Variants in CORO2B observed in about 807,000 individuals in gnomAD.
CORO2B encodes the protein coronin-2B.
CORO2B carries 26 observed loss-of-function variants against 58.8 expected under a neutral mutation model. The observed-to-expected ratio is 0.44, with a 90% CI of 0.32 to 0.61. The LOEUF (loss-of-function observed/expected upper bound fraction) is 0.61, where lower values mean the gene tolerates loss of function less well. Ranked by LOEUF, CORO2B falls within the 20% of genes least tolerant of loss-of-function variation. The pLI is 0.04. For synonymous variants in CORO2B, 242 were observed against 253.8 expected (o/e 0.95, Z 0.44); for missense variants, 460 against 645.1 (o/e 0.71, Z 3.11).
At chr15:68,673,544 G>C (rs1902472935) in intron 2 of CORO2B, among the ~76,000 whole-genome samples, 1 of 151,962 alleles carries the variant, frequency 6.6e-6, no homozygotes, top group Non-Finnish European at 1.5e-5. Context: ...TCTTAAAAAA[G>C]GAAAGTGTCT....
Position 68,630,901 on chromosome 15 carries a change from A to G in CORO2B, c.16-14259A>G, listed in dbSNP as rs150095990. On this transcript the variant is annotated intron_variant, in intron 1 of 11. Coordinates refer to ENST00000261861, the MANE Select transcript of CORO2B (RefSeq NM_006091.5). Reference sequence around the variant, plus strand: ...AAAGGCGGGAAGCCGTGTGTGTGCCAGTATGCCAAGAAAGAACTTTTCTTA... The same window carrying G: ...AAAGGCGGGAAGCCGTGTGTGTGCCGGTATGCCAAGAAAGAACTTTTCTTA... Among the ~76,000 whole-genome samples, 538 of 152,334 alleles carry G rather than the reference A, an allele frequency of 3.5e-3. 5 individuals carry two copies. Among genetic ancestry groups the G allele is most frequent in the African/African-American group, 0.013 (520 of 41,574 alleles).
chr15:68,700,784 T>G (rs1892622809), intron 3 of CORO2B, among the ~76,000 whole-genome samples: 1 of 142,116 alleles, frequency 7.0e-6, no homozygotes, highest in African/African-American at 2.6e-5. Flanking sequence ...CCAGCCCTTC[T>G]CCTGGGGCCA....
At chr15:68,667,814 G>C (rs552542482) in intron 2 of CORO2B, among the ~76,000 whole-genome samples, 1 of 152,316 alleles carries the variant, frequency 6.6e-6, no homozygotes, top group East Asian at 1.9e-4. Flanking sequence ...AGAGACTTCA[G>C]ACCAGTTACT....
At chr15:68,592,118 C>T (rs996226902) in intron 1 of CORO2B, among the ~76,000 whole-genome samples, 2 of 152,274 alleles carry the variant, frequency 1.3e-5, no homozygotes, top group African/African-American at 4.8e-5. Flanking sequence ...TCTCCTTCTG[C>T]GCCGTGTCCT....
upstream of CORO2B, among the ~76,000 whole-genome samples, chr15:68,574,823 G>C (rs147780148): frequency 6.6e-6 from 1 of 152,230 alleles, no homozygotes; most frequent in Non-Finnish European, 1.5e-5. Context: ...ATGCAGAGCT[G>C]ACACTTGAGC....
intron 3 of CORO2B, among the ~76,000 whole-genome samples, chr15:68,706,660 C>T (rs1464020669): frequency 6.6e-6 from 1 of 152,190 alleles, no homozygotes; most frequent in African/African-American, 2.4e-5. Context: ...GCTTCCTACT[C>T]AAGTGCAGAC....
In CORO2B at chr15:68,579,202, GGCCGCCGCCGCCGCCCCCGCAC is replaced by G; in HGVS notation, c.-55_-34del. On this transcript the variant is annotated 5_prime_UTR_variant, in exon 1 of 12. Transcript: ENST00000261861. Reference sequence around the variant, plus strand: ...CGGACCCCCTTCCGCCGCCGCCCCGGGCCGCCGCCGCCGCCCCCGCACGCCGCGCCCGCGCCCCCGCTCCGCC... The same window carrying G: ...CGGACCCCCTTCCGCCGCCGCCCCGGGCCGCGCCCGCGCCCCCGCTCCGCC... The G allele has an allele frequency of 1.0e-6, 1 of 993,912 alleles. No individual in the cohort carries two copies. Among genetic ancestry groups the G allele is most frequent in the Non-Finnish European group, 1.2e-6 (1 of 836,218 alleles). The allele number at this position is 993,912 out of a possible 1,614,324, so 61.6% of individuals were successfully genotyped here. A position where few individuals can be genotyped will look rare whatever the true frequency, so the allele number is the denominator to read the frequency against.
At chr15:68,658,370 C>CTGTGCCT (rs1404199889) in intron 2 of CORO2B, among the ~76,000 whole-genome samples, 1 of 152,266 alleles carries the variant, frequency 6.6e-6, no homozygotes, top group Non-Finnish European at 1.5e-5. Context: ...GGGGCCTCGT[C>CTGTGCCT]CCCGCCTGCC....
intron 2 of CORO2B, among the ~76,000 whole-genome samples, chr15:68,648,029 CAAAAAA>C (rs59821203): frequency 1.2e-5 from 1 of 84,298 alleles, no homozygotes; most frequent in Admixed American, 1.4e-4. Flanking sequence ...TCCTGTCTCT[CAAAAAA>C]AAAAAAAAAA....
chr15:68,661,230 G>A (rs969788645), intron 2 of CORO2B, among the ~76,000 whole-genome samples: 1 of 152,032 alleles, frequency 6.6e-6, no homozygotes, highest in Admixed American at 6.6e-5. Context: ...CACCCACCTC[G>A]GCCTCCCAAA....
At chr15:68,546,005 T>A in the CORO2B span, among the ~76,000 whole-genome samples, 1 of 152,086 alleles carries the variant, frequency 6.6e-6, no homozygotes, top group Non-Finnish European at 1.5e-5. Context: ...CTCTCTGCCC[T>A]CCCCCTTTTG....
At chr15:68,555,150 C>G in the CORO2B span, among the ~76,000 whole-genome samples, 2 of 152,206 alleles carry the variant, frequency 1.3e-5, no homozygotes, top group Non-Finnish European at 2.9e-5. Context: ...TTGGTTTCCT[C>G]CCCTGCACTG....
upstream of CORO2B, among the ~76,000 whole-genome samples, chr15:68,574,450 A>G (rs372587200): frequency 1.3e-5 from 2 of 152,294 alleles, no homozygotes. Context: ...AGGTAATCCT[A>G]AAAGACTGCA....
intron 2 of CORO2B, among the ~76,000 whole-genome samples, chr15:68,674,972 C>A (rs1276550666): frequency 6.6e-6 from 1 of 152,148 alleles, no homozygotes; most frequent in African/African-American, 2.4e-5. Flanking sequence ...AATAGTAGAA[C>A]TTCAGGTATC....
At chr15:68,583,976 T>C (rs1899493856) in intron 1 of CORO2B, among the ~76,000 whole-genome samples, 1 of 152,232 alleles carries the variant, frequency 6.6e-6, no homozygotes, top group African/African-American at 2.4e-5. Context: ...ATTCTCATGC[T>C]GGGAGGTGTG....
At chr15:68,559,694 GCT>G in the CORO2B span, 165,065 of 935,440 alleles carry the variant, frequency 0.18, 15,047 homozygotes, top group Middle Eastern at 0.22. This position sits in a 1 kb window ranked among gnomAD's most constrained non-coding sequence, Gnocchi z 4.3. Context: ...TTGGTGCAGT[GCT>G]CTCTGGGGTT....
chr15:68,560,020 C>CTCTG, the CORO2B span, among the ~76,000 whole-genome samples: 1 of 152,224 alleles, frequency 6.6e-6, no homozygotes, highest in African/African-American at 2.4e-5. Flanking sequence ...CTGACCAAGT[C>CTCTG]TCTGCCAGCC....
chr15:68,713,674 C>T (rs979391686), intron 5 of CORO2B, among the ~76,000 whole-genome samples: 1 of 152,162 alleles, frequency 6.6e-6, no homozygotes, highest in African/African-American at 2.4e-5. Context: ...CCCTGTGTGT[C>T]TCTGTAATCT....
At chr15:68,606,118 C>T (rs1251983335) in intron 1 of CORO2B, among the ~76,000 whole-genome samples, 1 of 151,900 alleles carries the variant, frequency 6.6e-6, no homozygotes, top group African/African-American at 2.4e-5. Flanking sequence ...GGGGAGAAGA[C>T]CAGTAGTTTA....
Sources: allele counts gnomAD v4.1 joint callset (sites outside exome capture counted in the v4.1 genomes callset), GRCh38; gene constraint gnomAD v4.1.1; non-coding constraint Gnocchi (gnomAD v3.1); transcripts MANE v1.5; gene names NCBI Gene and HGNC (gene_info 2026-07-23, HGNC 2026-07-21).